Variants in CTNNA3 observed in about 807,000 individuals in gnomAD.
CTNNA3 encodes the protein catenin alpha 3.
Under a neutral mutation model 95.7 loss-of-function variants are expected in CTNNA3, and 76 were observed. That is an observed-to-expected ratio of 0.79 (90% CI 0.66 to 0.96). The LOEUF (loss-of-function observed/expected upper bound fraction) is 0.96, where lower values mean the gene tolerates loss of function less well. CTNNA3 is among the 40% of genes least tolerant of loss of function. The pLI, the probability that CTNNA3 is intolerant of heterozygous loss-of-function variation, is 0.00. For missense variants in CTNNA3, 1,191 were observed against 1,089.8 expected, an observed-to-expected ratio of 1.09 and a Z score of -1.31; for synonymous variants, 431 against 374.4, an observed-to-expected ratio of 1.15 and a Z score of -1.74.
intron 7 of CTNNA3, among the ~76,000 whole-genome samples, chr10:67,162,612 G>A (rs1861599103): frequency 6.6e-6 from 1 of 151,502 alleles, no homozygotes; most frequent in Non-Finnish European, 1.5e-5. Flanking sequence ...AATCTAGAAA[G>A]AAAGCATGAA....
chr10:66,021,689 G>C (rs2079213530), intron 15 of CTNNA3, among the ~76,000 whole-genome samples: 1 of 151,972 alleles, frequency 6.6e-6, no homozygotes, highest in African/African-American at 2.4e-5. Flanking sequence ...CTCAGATTCT[G>C]AATATTCCAT....
At chr10:66,934,269 CTTTTTA>C (rs1176029137) in intron 7 of CTNNA3, among the ~76,000 whole-genome samples, 1 of 151,948 alleles carries the variant, frequency 6.6e-6, no homozygotes, top group African/African-American at 2.4e-5. Flanking sequence ...TCCATGTTTT[CTTTTTA>C]TTTTTAAGGG....
intron 6 of CTNNA3, among the ~76,000 whole-genome samples, chr10:67,204,411 A>G (rs1863796194): frequency 6.6e-6 from 1 of 152,088 alleles, no homozygotes; most frequent in African/African-American, 2.4e-5. Flanking sequence ...CATGTAAGAC[A>G]TACCTATTTC....
chr10:66,987,692 A>G (rs555712199), intron 7 of CTNNA3, among the ~76,000 whole-genome samples: 1 of 152,318 alleles, frequency 6.6e-6, no homozygotes, highest in South Asian at 2.1e-4. Context: ...TTACCATTAC[A>G]CTTTAAACAT....
chr10:67,542,790 C>T (rs886216064), intron 3 of CTNNA3, among the ~76,000 whole-genome samples: 34 of 152,126 alleles, frequency 2.2e-4, no homozygotes, highest in African/African-American at 6.7e-4. Flanking sequence ...GTATTGACAA[C>T]GACAGCTGGT....
At chr10:65,951,815 G>T (rs2077619625) in intron 17 of CTNNA3, among the ~76,000 whole-genome samples, 1 of 152,146 alleles carries the variant, frequency 6.6e-6, no homozygotes, top group South Asian at 2.1e-4. Context: ...GGACCACGAG[G>T]TCAGGAGATC....
intron 5 of CTNNA3, among the ~76,000 whole-genome samples, chr10:67,232,270 G>A (rs1375942933): frequency 6.6e-6 from 1 of 152,030 alleles, no homozygotes; most frequent in East Asian, 1.9e-4. Context: ...ACAAAGCTTG[G>A]GTTACCCTCA....
chr10:67,746,040 C>G (rs1054169847), intron 1 of CTNNA3, among the ~76,000 whole-genome samples: 1 of 152,082 alleles, frequency 6.6e-6, no homozygotes, highest in African/African-American at 2.4e-5. Flanking sequence ...TATCGAAATA[C>G]CAATGACATT....
chr10:65,947,415 GACT>G (rs1414381255), intron 17 of CTNNA3, among the ~76,000 whole-genome samples: 2 of 152,062 alleles, frequency 1.3e-5, no homozygotes, highest in African/African-American at 2.4e-5. Flanking sequence ...CTACTGCCAT[GACT>G]ACTACGACTA....
chr10:66,386,257 C>CA (rs2092890713), intron 11 of CTNNA3, among the ~76,000 whole-genome samples: 1 of 152,134 alleles, frequency 6.6e-6, no homozygotes, highest in Non-Finnish European at 1.5e-5. Context: ...TCTCAGGATA[C>CA]AAAATCAATG....
intron 10 of CTNNA3, among the ~76,000 whole-genome samples, chr10:66,539,135 C>T (rs1299927980): frequency 6.6e-6 from 1 of 152,114 alleles, no homozygotes; most frequent in East Asian, 1.9e-4. Context: ...GAGTCTCAAT[C>T]ATCAAGGTTT....
chr10:66,699,068 A>T (rs1356989726), intron 9 of CTNNA3, among the ~76,000 whole-genome samples: 1 of 152,184 alleles, frequency 6.6e-6, no homozygotes, highest in Non-Finnish European at 1.5e-5. Flanking sequence ...GATACACATA[A>T]ACAATCACAT....
intron 11 of CTNNA3, among the ~76,000 whole-genome samples, chr10:66,475,178 C>T (rs1434423893): frequency 6.6e-6 from 1 of 151,958 alleles, no homozygotes; most frequent in Non-Finnish European, 1.5e-5. Context: ...AGTACAGTCT[C>T]TTCAATAAAC....
chr10:67,027,952 C>G (rs1853492302), intron 7 of CTNNA3, among the ~76,000 whole-genome samples: 1 of 151,948 alleles, frequency 6.6e-6, no homozygotes, highest in African/African-American at 2.4e-5. Context: ...ATAAAATCTC[C>G]ATCTGTTTTC....
chr10:66,015,386 CTG>C (rs1309799792), intron 15 of CTNNA3, among the ~76,000 whole-genome samples: 6 of 152,072 alleles, frequency 3.9e-5, no homozygotes, highest in African/African-American at 1.4e-4. Context: ...GAGTGACAAA[CTG>C]TAACTTCCAA....
At chr10:67,045,000 C>T (rs752508709) in intron 7 of CTNNA3, among the ~76,000 whole-genome samples, 2 of 152,084 alleles carry the variant, frequency 1.3e-5, no homozygotes, top group African/African-American at 2.4e-5. Context: ...ATCTAGGAGA[C>T]GCTCAATAAA....
intron 2 of CTNNA3, among the ~76,000 whole-genome samples, chr10:67,640,022 G>T (rs939160930): frequency 1.3e-5 from 2 of 151,910 alleles, no homozygotes; most frequent in Non-Finnish European, 2.9e-5. Flanking sequence ...TCAGGCAGAA[G>T]GAAATAAAGG....
chr10:67,175,854 CA>C (rs1326554578), intron 7 of CTNNA3, among the ~76,000 whole-genome samples: 1 of 152,088 alleles, frequency 6.6e-6, no homozygotes, highest in African/African-American at 2.4e-5. Context: ...CTATTTTCAC[CA>C]ATTACAGAAA....
chr10:65,950,004 T>C (rs755270853), intron 17 of CTNNA3, among the ~76,000 whole-genome samples: 3 of 151,896 alleles, frequency 2.0e-5, no homozygotes, highest in Non-Finnish European at 2.9e-5. Context: ...CCAAAGTCAA[T>C]AGTGCTGCAG....
Sources: allele counts gnomAD v4.1 joint callset (sites outside exome capture counted in the v4.1 genomes callset), GRCh38; gene constraint gnomAD v4.1.1; transcripts MANE v1.5; gene names NCBI Gene and HGNC (gene_info 2026-07-23, HGNC 2026-07-21).